The following RUNX2 variants were observed in gnomAD, a reference collection of about 807,000 sequenced individuals.
The protein encoded by RUNX2 is RUNX family transcription factor 2, also known as runt-related transcription factor 2.
In RUNX2, 10 loss-of-function variants were observed where a neutral mutation model predicts 51.7. The observed-to-expected ratio is 0.19, with a 90% CI of 0.12 to 0.33. RUNX2 has a LOEUF of 0.33. Among genes scored for constraint, RUNX2 ranks in the 10% least tolerant of loss-of-function variants. RUNX2 has a pLI of 1.00. For missense variants in RUNX2, 562 were observed against 691.3 expected, an observed-to-expected ratio of 0.81 and a Z score of 2.10; for synonymous variants, 276 against 273.6, an observed-to-expected ratio of 1.01 and a Z score of -0.09.
intron 5 of RUNX2, among the ~76,000 whole-genome samples, chr6:45,466,870 A>T (rs139364495): frequency 6.6e-6 from 1 of 152,388 alleles, no homozygotes; most frequent in African/African-American, 2.4e-5. Flanking sequence ...ACTGACAAAC[A>T]ATTCCTGCAA....
intron 7 of RUNX2, among the ~76,000 whole-genome samples, chr6:45,521,126 G>A (rs1156263396): frequency 6.6e-6 from 1 of 152,136 alleles, no homozygotes; most frequent in Non-Finnish European, 1.5e-5. Flanking sequence ...ACCTAGCACA[G>A]TTTTTGGCAC....
chr6:45,389,990 A>G (rs1797434213), intron 2 of RUNX2, among the ~76,000 whole-genome samples: 1 of 142,778 alleles, frequency 7.0e-6, no homozygotes. Flanking sequence ...TGGGCCACAG[A>G]GGAAGACTCT....
Position 45,376,198 on chromosome 6 carries a change from T to A in RUNX2, c.59-46395T>A, listed in dbSNP as rs182439711. Among the ~76,000 whole-genome samples the A allele has an allele frequency of 2.6e-3, 395 of 152,340 alleles. 2 individuals carry two copies. The highest frequency in any genetic ancestry group is 8.5e-3 in the African/African-American group (355 of 41,574). ...CGTTTTGCTTTAATTTGTCAAGATG[T>A]AAATAAGTACTAACAGACCCATGGT... On this transcript the variant is annotated intron_variant, in intron 2 of 8. Coordinates refer to ENST00000647337, the MANE Select transcript of RUNX2 (RefSeq NM_001024630.4).
chr6:45,360,856 C>T (rs1181622587), intron 2 of RUNX2, among the ~76,000 whole-genome samples: 1 of 152,176 alleles, frequency 6.6e-6, no homozygotes, highest in African/African-American at 2.4e-5. Context: ...TCCTCATTCC[C>T]TCCTTTGTAC....
intron 2 of RUNX2, among the ~76,000 whole-genome samples, chr6:45,399,277 C>CTTTTTCTCTTCCCCCT (rs890171949): frequency 9.0e-5 from 13 of 145,220 alleles, no homozygotes; most frequent in Non-Finnish European, 1.7e-4. Flanking sequence ...AAAGTGGCTT[C>CTTTTTCTCTTCCCCCT]TTTTTCTCTT....
intron 2 of RUNX2, among the ~76,000 whole-genome samples, chr6:45,416,718 T>A (rs1461352878): frequency 6.6e-6 from 1 of 152,222 alleles, no homozygotes; most frequent in Non-Finnish European, 1.5e-5. Context: ...TTTCTTAAGG[T>A]AACTAGGGTG....
intron 2 of RUNX2, among the ~76,000 whole-genome samples, chr6:45,394,266 A>C (rs1797536839): frequency 6.6e-6 from 1 of 152,128 alleles, no homozygotes. Context: ...CATTGTCATG[A>C]GGAAAGCACC....
chr6:45,480,851 C>T (rs955775640), intron 5 of RUNX2, among the ~76,000 whole-genome samples: 9 of 152,178 alleles, frequency 5.9e-5, no homozygotes, highest in Non-Finnish European at 7.4e-5. Flanking sequence ...CTCCTTTTTT[C>T]TGTCTTTTTC....
chr6:45,487,771 A>G (rs1030019862), intron 5 of RUNX2, among the ~76,000 whole-genome samples: 4 of 152,212 alleles, frequency 2.6e-5, no homozygotes, highest in Non-Finnish European at 5.9e-5. Flanking sequence ...GCAGGCACTG[A>G]ACTAGGTTGT....
At position 45,547,373 on chromosome 6, in the gene RUNX2, A is replaced by T; in HGVS notation, c.*68A>T. Reference sequence around the variant, plus strand: ...CACACGTATCAATATATACATATATAGAGAGAGTGCATATATATGTATATC... The same window carrying T: ...CACACGTATCAATATATACATATATTGAGAGAGTGCATATATATGTATATC... On this transcript the variant is annotated 3_prime_UTR_variant, in exon 9 of 9. Coordinates refer to ENST00000647337, the MANE Select transcript of RUNX2 (RefSeq NM_001024630.4). 11 of 1,202,270 alleles carry T rather than the reference A, an allele frequency of 9.1e-6. No individual in the cohort carries two copies. The highest frequency in any genetic ancestry group is 1.4e-5 in the Non-Finnish European group (11 of 809,030). 74.5% of individuals were successfully genotyped at this position (1,202,270 alleles called of 1,614,324 possible).
At chr6:45,471,248 C>T (rs1003147694) in intron 5 of RUNX2, among the ~76,000 whole-genome samples, 1 of 152,120 alleles carries the variant, frequency 6.6e-6, no homozygotes, top group African/African-American at 2.4e-5. Flanking sequence ...AGGTCCAGAA[C>T]AAATAAGTTC....
chr6:45,430,065 G>A (rs1423220807), intron 3 of RUNX2, among the ~76,000 whole-genome samples: 4 of 150,774 alleles, frequency 2.7e-5, no homozygotes, highest in East Asian at 2.0e-4. Context: ...CTGCACTCTA[G>A]CCTGGGTGAT....
chr6:45,538,719 C>T (rs1418236628), intron 7 of RUNX2, among the ~76,000 whole-genome samples: 1 of 151,700 alleles, frequency 6.6e-6, no homozygotes, highest in Admixed American at 6.6e-5. Flanking sequence ...TCTGAAGCCA[C>T]TTGGCTCATT....
At chr6:45,461,117 G>A (rs1048544901) in intron 5 of RUNX2, among the ~76,000 whole-genome samples, 8 of 152,152 alleles carry the variant, frequency 5.3e-5, no homozygotes, top group Non-Finnish European at 8.8e-5. Context: ...TTGGAACAGA[G>A]GATGAATGTT....
intron 2 of RUNX2, among the ~76,000 whole-genome samples, chr6:45,417,852 C>G (rs1798096732): frequency 6.6e-6 from 1 of 152,160 alleles, no homozygotes. Context: ...AATTTTTCAA[C>G]TATTTAAAAA....
At chr6:45,351,145 C>T (rs1791938406) in intron 2 of RUNX2, among the ~76,000 whole-genome samples, 1 of 152,104 alleles carries the variant, frequency 6.6e-6, no homozygotes. Flanking sequence ...GTCCCTGCTG[C>T]CAAAATGGTT....
intron 2 of RUNX2, among the ~76,000 whole-genome samples, chr6:45,375,536 G>GA (rs1483658345): frequency 1.3e-5 from 2 of 151,920 alleles, no homozygotes; most frequent in African/African-American, 4.8e-5. Context: ...TCAGCCTTAA[G>GA]ACCAAGAGCA....
At chr6:45,487,199 T>C (rs2150404187) in intron 5 of RUNX2, among the ~76,000 whole-genome samples, 1 of 152,308 alleles carries the variant, frequency 6.6e-6, no homozygotes, top group South Asian at 2.1e-4. Context: ...TGATCATGAT[T>C]TCCCCTGAAT....
At chr6:45,485,192 C>CTTTTTTTTTTTT (rs199954113) in intron 5 of RUNX2, among the ~76,000 whole-genome samples, 2 of 139,342 alleles carry the variant, frequency 1.4e-5, no homozygotes, top group African/African-American at 2.6e-5. Flanking sequence ...TTCTTTCTTT[C>CTTTTTTTTTTTT]TTTTTTTTTT....
Sources: gnomAD v4.1 joint callset for allele counts (sites outside exome capture counted in the v4.1 genomes callset) on GRCh38, gnomAD v4.1.1 for gene constraint, MANE v1.5 for transcripts, NCBI Gene and HGNC (gene_info 2026-07-23, HGNC 2026-07-21) for gene names.